The following DSCAML1 variants were observed in gnomAD, a reference collection of about 807,000 sequenced individuals.
The protein encoded by DSCAML1 is DS cell adhesion molecule like 1, also known as cell adhesion molecule DSCAML1.
A neutral mutation model predicts 200.5 loss-of-function variants in DSCAML1; 38 were observed. The observed-to-expected ratio is 0.19, with a 90% CI of 0.15 to 0.25. The LOEUF is 0.25. Among genes scored for constraint, DSCAML1 ranks in the 10% least tolerant of loss-of-function variants. DSCAML1 has a pLI of 1.00. For missense variants in DSCAML1, 2,223 were observed against 2,858.8 expected, an observed-to-expected ratio of 0.78 and a Z score of 5.07; for synonymous variants, 1,215 against 1,165.0, an observed-to-expected ratio of 1.04 and a Z score of -0.87.
chr11:117,506,706 C>T (rs60445550), intron 8 of DSCAML1, among the ~76,000 whole-genome samples: 4,000 of 143,200 alleles, frequency 0.028, 186 homozygotes, highest in African/African-American at 0.096. Context: ...CACCACTGTG[C>T]CTGGCTAATT....
At chr11:117,641,008 G>T (rs2052395225) in intron 3 of DSCAML1, among the ~76,000 whole-genome samples, 1 of 152,138 alleles carries the variant, frequency 6.6e-6, no homozygotes, top group Non-Finnish European at 1.5e-5. Flanking sequence ...AAGCTTATTT[G>T]GTCTGTACTA....
intron 3 of DSCAML1, among the ~76,000 whole-genome samples, chr11:117,573,618 A>G (rs2050883541): frequency 6.6e-6 from 1 of 152,210 alleles, no homozygotes; most frequent in Non-Finnish European, 1.5e-5. Context: ...CAGTGAGGCC[A>G]TCAGCGTCCT....
chr11:117,766,571 T>A (rs1255025455), intron 3 of DSCAML1, among the ~76,000 whole-genome samples: 1 of 152,210 alleles, frequency 6.6e-6, no homozygotes, highest in Non-Finnish European at 1.5e-5. Flanking sequence ...TCCGCTCTGA[T>A]TTCAGGGTAA....
intron 1 of DSCAML1, among the ~76,000 whole-genome samples, chr11:117,789,039 CCA>C (rs2055413002): frequency 6.6e-6 from 1 of 152,170 alleles, no homozygotes; most frequent in Non-Finnish European, 1.5e-5. Context: ...ATTGAGATGA[CCA>C]AAAAACGCTC....
At chr11:117,589,398 G>A (rs932823239) in intron 3 of DSCAML1, among the ~76,000 whole-genome samples, 5 of 152,006 alleles carry the variant, frequency 3.3e-5, no homozygotes, top group Non-Finnish European at 5.9e-5. Flanking sequence ...CTCTGCAGGC[G>A]GAACACCCCC....
In DSCAML1 at chr11:117,592,578, G is replaced by T. The variant is rs920440358; in HGVS notation, c.512-60056C>A. Among the ~76,000 whole-genome samples the T allele has an allele frequency of 2.0e-4, 30 of 152,274 alleles. 1 individual carries two copies. Among genetic ancestry groups the T allele is most frequent in the Middle Eastern group, 6.8e-3 (2 of 294 alleles). On this transcript the variant is annotated intron_variant, in intron 3 of 32. Transcript: ENST00000651296. ...CTCTCACTCTGGAAGCTGAGGCAGC[G>T]CTAGGCTCACCGATGGTCCATAGTC...
chr11:117,610,215 G>C (rs572861229), intron 3 of DSCAML1, among the ~76,000 whole-genome samples: 1 of 152,166 alleles, frequency 6.6e-6, no homozygotes, highest in Non-Finnish European at 1.5e-5. Flanking sequence ...ACTCTTGACT[G>C]CTCTGCTCTT....
intron 30 of DSCAML1, 148 bp from the exon 31 acceptor site, chr11:117,431,876 C>A: frequency 1.4e-6 from 1 of 712,190 alleles, no homozygotes; most frequent in Non-Finnish European, 2.2e-6. Context: ...CTTTCCTAAC[C>A]ACATCGCTGT....
At chr11:117,629,303 C>T (rs981386040) in intron 3 of DSCAML1, among the ~76,000 whole-genome samples, 91 of 152,220 alleles carry the variant, frequency 6.0e-4, no homozygotes, top group African/African-American at 2.0e-3. Context: ...GGTGGCATCC[C>T]TGGTGCTGAG....
intron 3 of DSCAML1, among the ~76,000 whole-genome samples, chr11:117,548,166 A>C (rs2050410281): frequency 6.6e-6 from 1 of 152,188 alleles, no homozygotes; most frequent in Admixed American, 6.5e-5. Flanking sequence ...GCAAAGGCTC[A>C]ATACCGTGGA....
At chr11:117,687,426 A>ATTTTTTTTTTTTTTTTTTTTTT (rs71037492) in intron 3 of DSCAML1, among the ~76,000 whole-genome samples, 29 of 97,640 alleles carry the variant, frequency 3.0e-4, no homozygotes, top group African/African-American at 1.0e-3. Flanking sequence ...ATGCCTGGCT[A>ATTTTTTTTTTTTTTTTTTTTTT]TTTTTTTTTT....
chr11:117,525,170 G>A (rs917051594), intron 4 of DSCAML1, 87 bp from the exon 5 acceptor site: 23 of 1,429,764 alleles, frequency 1.6e-5, no homozygotes, highest in Non-Finnish European at 2.1e-5. Context: ...ACCCAGACAG[G>A]AGCCTGCTGC....
At chr11:117,525,163 C>T in intron 4 of DSCAML1, 80 bp from the exon 5 acceptor site, 1 of 1,439,254 alleles carries the variant, frequency 6.9e-7, no homozygotes, top group Non-Finnish European at 9.1e-7. Context: ...GGCAAGCACC[C>T]AGACAGGAGC....
chr11:117,437,134 C>T lies in DSCAML1; in HGVS notation c.4708G>A (p.Asp1570Asn). 6.2e-7 allele frequency: 1 copy of T among 1,612,952 alleles called. No homozygotes were observed. Among genetic ancestry groups the T allele is most frequent in the Non-Finnish European group, 8.5e-7 (1 of 1,179,170 alleles). The part of the protein sequence containing the change: ...GNETAQFATL[D>N]YDGSTIPPIK... ...CCTTGCGACTCACTGCCATCGTAGT[C>T]CAGGGTGGCGAACTGGGCTGTTTCA... The change falls in exon 26 of 33, where the codon GAC becomes AAC. Residue 1570 changes from aspartate to asparagine, a missense_variant. By Grantham distance (23) the Asp-to-Asn change is conservative. Transcript: ENST00000651296. The surrounding 1 kb of genome is among the most constrained non-coding windows in gnomAD (Gnocchi z 5.3).
Position 117,446,513 on chromosome 11 carries a change from CAAACAG to C in DSCAML1, c.3709-2480_3709-2475del, listed in dbSNP as rs137952805. On this transcript the variant is annotated intron_variant, in intron 20 of 32. Transcript: ENST00000651296. ...ATCAATAAGAAAAATATGAGAAACC[CAAACAG>C]AAACCTGGACAAAGGACGTAAATTG... is the stretch of plus-strand genomic sequence containing the variant. Among the ~76,000 whole-genome samples the C allele has an allele frequency of 4.4e-4, 67 of 151,712 alleles. 2 individuals carry two copies. The East Asian group carries it at 0.012, about 26-fold the overall frequency.
At chr11:117,756,116 G>A (rs2054687160) in intron 3 of DSCAML1, among the ~76,000 whole-genome samples, 1 of 152,238 alleles carries the variant, frequency 6.6e-6, no homozygotes, top group Admixed American at 6.5e-5. Flanking sequence ...ATTAATTTAG[G>A]AAGTGGAAAA....
intron 3 of DSCAML1, among the ~76,000 whole-genome samples, chr11:117,626,026 C>G (rs534110473): frequency 6.6e-6 from 1 of 152,340 alleles, no homozygotes; most frequent in South Asian, 2.1e-4. Flanking sequence ...TCTATGGACA[C>G]TTTGAGGCTA....
At chr11:117,434,023 A>G (rs923862270) in intron 27 of DSCAML1, among the ~76,000 whole-genome samples, 3 of 151,904 alleles carry the variant, frequency 2.0e-5, no homozygotes, top group Admixed American at 1.3e-4. Flanking sequence ...TAAGATCAGG[A>G]CTCTCAGGTT....
chr11:117,577,814 G>A (rs906053895), intron 3 of DSCAML1, among the ~76,000 whole-genome samples: 7 of 149,368 alleles, frequency 4.7e-5, no homozygotes, highest in East Asian at 2.2e-4. Context: ...TGATCCACCC[G>A]CCTCGGTCTA....
Sources: allele counts gnomAD v4.1 joint callset (sites outside exome capture counted in the v4.1 genomes callset), GRCh38; gene constraint gnomAD v4.1.1; non-coding constraint Gnocchi (gnomAD v3.1); transcripts MANE v1.5; gene names NCBI Gene and HGNC (gene_info 2026-07-23, HGNC 2026-07-21).